Variants in PTK7 observed in about 807,000 individuals in gnomAD.
The protein encoded by PTK7 is inactive tyrosine-protein kinase 7.
Under a neutral mutation model 116.6 loss-of-function variants are expected in PTK7, and 39 were observed. The observed-to-expected ratio is 0.33, with a 90% CI of 0.26 to 0.44. PTK7 has a LOEUF of 0.44. Among genes scored for constraint, PTK7 ranks in the 20% least tolerant of loss-of-function variants. The pLI is 1.00. For synonymous variants in PTK7, 546 were observed against 563.6 expected, an observed-to-expected ratio of 0.97 and a Z score of 0.44; for missense variants, 1,169 against 1,425.6, an observed-to-expected ratio of 0.82 and a Z score of 2.90.
Position 43,130,312 on chromosome 6 carries a change from C to T in PTK7, c.553C>T (p.Leu185=), listed in dbSNP as rs938602707. ...NHTVSSKERN[L]TLRPAGPEHS... ...CACAGTCAGCAGCAAGGAGCGGAAC[C>T]TGACGCTCCGGCCAGCTGGTCCTGA... Residue 185 remains leucine, a synonymous_variant, in exon 4 of 20, where the codon CTG becomes TTG. Transcript: ENST00000230419. 2 of 1,612,452 alleles carry T rather than the reference C, an allele frequency of 1.2e-6. No homozygotes were observed. Among genetic ancestry groups the T allele is most frequent in the African/African-American group, 2.7e-5 (2 of 74,920 alleles).
chr6:43,102,915 C>A (rs1401076367), intron 1 of PTK7, among the ~76,000 whole-genome samples: 2 of 152,042 alleles, frequency 1.3e-5, no homozygotes. Flanking sequence ...GCTTGGACAA[C>A]TAAGCAAGAC....
At chr6:43,124,190 T>C (rs1769138670) in intron 1 of PTK7, among the ~76,000 whole-genome samples, 1 of 152,150 alleles carries the variant, frequency 6.6e-6, no homozygotes, top group African/African-American at 2.4e-5. Context: ...GGGACAGGAA[T>C]GTGCTGGTGA....
chr6:43,104,230 A>C (rs1440788103), intron 1 of PTK7, among the ~76,000 whole-genome samples: 2 of 152,192 alleles, frequency 1.3e-5, no homozygotes, highest in Non-Finnish European at 2.9e-5. Flanking sequence ...GTTGAACATA[A>C]AATGGACAAT....
chr6:43,126,555 C>A (rs554644713), intron 1 of PTK7, among the ~76,000 whole-genome samples: 1 of 152,188 alleles, frequency 6.6e-6, no homozygotes, highest in Non-Finnish European at 1.5e-5. Flanking sequence ...ACCTGGCAGT[C>A]GGGAATGTGA....
intron 17 of PTK7, among the ~76,000 whole-genome samples, chr6:43,154,614 T>C (rs1323889070): frequency 6.6e-6 from 1 of 152,204 alleles, no homozygotes; most frequent in East Asian, 1.9e-4. Context: ...ATAGAGATTG[T>C]GACCATAGTT....
Position 43,132,100 on chromosome 6 carries a change from C to T in PTK7, c.897C>T (p.Tyr299=). The T allele has an allele frequency of 6.2e-7, 1 of 1,614,108 alleles. No homozygotes were observed. Among genetic ancestry groups the T allele is most frequent in the South Asian group, 1.1e-5 (1 of 91,084 alleles). ...TCCGGCCACGCAATGCAGGGATCTA[C>T]CGCTGCATTGGCCAGGGGCAGAGGG... ...TQVRPRNAGI[Y]RCIGQGQRGP... is the part of the protein sequence containing the mutation. Residue 299 remains tyrosine, a synonymous_variant, in exon 6 of 20, where the codon TAC becomes TAT. Transcript: ENST00000230419.
chr6:43,146,597 G>A lies in PTK7; in HGVS notation c.2641-21G>A, dbSNP rs927771226. On this transcript the variant is annotated intron_variant, in intron 16 of 19. Transcript: ENST00000230419. ...AATGGCTGTGCACTGACCTGAGCGAGATGCCTGGCTTTTCCCTTAGGGAGA... is the reference window on the plus strand; with the variant it reads ...AATGGCTGTGCACTGACCTGAGCGAAATGCCTGGCTTTTCCCTTAGGGAGA... 15 of 1,609,310 alleles carry A rather than the reference G, an allele frequency of 9.3e-6. No individual in the cohort carries two copies. The Admixed American group carries it at 2.2e-4, about 23-fold the overall frequency.
At chr6:43,132,282 C>T (rs1257201114) in intron 6 of PTK7, 118 bp downstream of exon 6, 1 of 1,502,010 alleles carries the variant, frequency 6.7e-7, no homozygotes, top group East Asian at 2.3e-5. Flanking sequence ...GAAAAGGATG[C>T]TGGGAGTAGG....
At chr6:43,108,458 G>A (rs1289690833) in intron 1 of PTK7, among the ~76,000 whole-genome samples, 2 of 148,838 alleles carry the variant, frequency 1.3e-5, no homozygotes, top group Non-Finnish European at 3.0e-5. Flanking sequence ...GGAGTGCAGT[G>A]GCACGAGCAC....
chr6:43,143,523 C>G lies in PTK7; in HGVS notation c.2154C>G (p.Ala718=). ...SVGAAVAYII[A]VLGLMFYCKK... is the part of the protein sequence containing the mutation. ...GTGCCGCTGTGGCCTACATCATTGCCGTGCTGGGCCTCATGTTCTACTGCA... is the reference window on the plus strand; with the variant it reads ...GTGCCGCTGTGGCCTACATCATTGCGGTGCTGGGCCTCATGTTCTACTGCA... Residue 718 remains alanine, a synonymous_variant, in exon 14 of 20, where the codon GCC becomes GCG. Coordinates refer to ENST00000230419, the MANE Select transcript of PTK7 (RefSeq NM_002821.5). This position sits in a 1 kb window ranked among gnomAD's most constrained non-coding sequence, Gnocchi z 4.2. The G allele has an allele frequency of 6.2e-7, 1 of 1,614,110 alleles. No homozygotes were observed. Among genetic ancestry groups the G allele is most frequent in the Non-Finnish European group, 8.5e-7 (1 of 1,180,028 alleles).
chr6:43,086,553 G>C (rs1766670331), intron 1 of PTK7, among the ~76,000 whole-genome samples: 1 of 152,094 alleles, frequency 6.6e-6, no homozygotes, highest in African/African-American at 2.4e-5. Flanking sequence ...AGTACTCCCA[G>C]TCGTGGGCGC....
intron 1 of PTK7, among the ~76,000 whole-genome samples, chr6:43,080,049 C>CAAA (rs1173188904): frequency 0.041 from 2,318 of 56,744 alleles, 33 homozygotes; most frequent in Non-Finnish European, 0.066. Flanking sequence ...TGACAGAGTT[C>CAAA]AAAAAAAAAA....
chr6:43,130,595 C>T lies in PTK7; in HGVS notation c.746C>T (p.Ser249Leu), dbSNP rs1460062462. The change falls in exon 5 of 20, where the codon TCA becomes TTA. Residue 249 changes from serine to leucine, a missense_variant. Coordinates refer to ENST00000230419, the MANE Select transcript of PTK7 (RefSeq NM_002821.5). The part of the protein sequence containing the change: ...YEEAMFHCQF[S>L]AQPPPSLQWL... Reference sequence around the variant, plus strand: ...GAGGCCATGTTCCATTGCCAGTTCTCAGCCCAGCCACCCCCGAGCCTGCAG... The same window carrying T: ...GAGGCCATGTTCCATTGCCAGTTCTTAGCCCAGCCACCCCCGAGCCTGCAG... 5 of 1,614,076 alleles carry T rather than the reference C, an allele frequency of 3.1e-6. No homozygotes were observed. The highest frequency in any genetic ancestry group is 2.7e-5 in the African/African-American group (2 of 74,922).
At chr6:43,127,742 A>T (rs1769383166) in intron 1 of PTK7, among the ~76,000 whole-genome samples, 1 of 152,168 alleles carries the variant, frequency 6.6e-6, no homozygotes, top group Admixed American at 6.5e-5. Flanking sequence ...ATCCTGGCTA[A>T]CACCGTCAAA....
At chr6:43,101,621 G>A (rs1767590898) in intron 1 of PTK7, among the ~76,000 whole-genome samples, 1 of 152,024 alleles carries the variant, frequency 6.6e-6, no homozygotes. Flanking sequence ...TTTGAAAAAT[G>A]TTGAAGAAGT....
At chr6:43,156,297 C>T (rs1385040967) in intron 17 of PTK7, among the ~76,000 whole-genome samples, 1 of 148,572 alleles carries the variant, frequency 6.7e-6, no homozygotes, top group Non-Finnish European at 1.5e-5. Context: ...CAGACCATGT[C>T]CAGTGATTTA....
intron 1 of PTK7, chr6:43,077,127 G>T: frequency 1.0e-6 from 1 of 969,246 alleles, no homozygotes; most frequent in Non-Finnish European, 1.4e-6. Context: ...AGATGGCCCT[G>T]CGGGTGAGGG....
At chr6:43,128,232 G>A (rs1004996423) in intron 1 of PTK7, among the ~76,000 whole-genome samples, 5 of 152,124 alleles carry the variant, frequency 3.3e-5, no homozygotes, top group East Asian at 1.9e-4. Context: ...CAGTGTCCCC[G>A]GCTCCTCAGC....
intron 1 of PTK7, among the ~76,000 whole-genome samples, chr6:43,089,708 C>G (rs1299701323): frequency 1.3e-5 from 2 of 152,176 alleles, no homozygotes; most frequent in Non-Finnish European, 2.9e-5. Flanking sequence ...ATCCAGGCCT[C>G]TTACCGGAGG....
Sources: allele counts gnomAD v4.1 joint callset (sites outside exome capture counted in the v4.1 genomes callset), GRCh38; gene constraint gnomAD v4.1.1; non-coding constraint Gnocchi (gnomAD v3.1); transcripts MANE v1.5; gene names NCBI Gene and HGNC (gene_info 2026-07-23, HGNC 2026-07-21).